Variants in LAP3 observed in about 807,000 individuals in gnomAD.
LAP3 encodes the protein cytosol aminopeptidase.
LAP3 carries 46 observed loss-of-function variants against 58.8 expected under a neutral mutation model. The ratio of observed to expected loss-of-function variants is 0.78; its 90% confidence interval spans 0.62 to 1.00. LAP3 has a LOEUF of 1.00. LAP3 is among the 50% of genes least tolerant of loss of function. The probability of loss-of-function intolerance (pLI) is 0.00; values close to 1 mark genes in which losing one functional copy is unlikely to be tolerated. For missense variants in LAP3, 615 were observed against 659.1 expected, an observed-to-expected ratio of 0.93 and a Z score of 0.73; for synonymous variants, 257 against 237.7, an observed-to-expected ratio of 1.08 and a Z score of -0.75.
At chr4:17,605,374 C>T (rs996088271) in intron 11 of LAP3, among the ~76,000 whole-genome samples, 1 of 152,122 alleles carries the variant, frequency 6.6e-6, no homozygotes, top group African/African-American at 2.4e-5. Flanking sequence ...TAGGCTCTTC[C>T]TACTCTACAC....
intron 4 of LAP3, 120 bp downstream of exon 4, chr4:17,582,513 C>A (rs1050952284): frequency 3.6e-5 from 26 of 715,410 alleles, no homozygotes; most frequent in Middle Eastern, 2.4e-4. Flanking sequence ...AGAAATAATT[C>A]ATCTTAACAA....
intron 4 of LAP3, chr4:17,583,282 C>T (rs1157123063): frequency 1.6e-6 from 1 of 611,574 alleles, no homozygotes; most frequent in Non-Finnish European, 2.9e-6. Context: ...TCACCACCAC[C>T]TGGGAGTGAG....
At chr4:17,599,681 A>G (rs953086847) in intron 10 of LAP3, among the ~76,000 whole-genome samples, 1 of 151,448 alleles carries the variant, frequency 6.6e-6, no homozygotes, top group Non-Finnish European at 1.5e-5. Flanking sequence ...TGTATCTAAT[A>G]CCCTCTGAGC....
intron 12 of LAP3, 21 bp from the exon 13 acceptor site, chr4:17,607,379 G>A: frequency 6.2e-7 from 1 of 1,603,184 alleles, no homozygotes. Flanking sequence ...GTTGTAAAGT[G>A]CTTTTTGTCT....
At chr4:17,593,389 C>T (rs1713745756) in intron 7 of LAP3, among the ~76,000 whole-genome samples, 1 of 151,818 alleles carries the variant, frequency 6.6e-6, no homozygotes, top group Admixed American at 6.6e-5. Context: ...CACTAGACTA[C>T]CTTGGCACCT....
intron 1 of LAP3, among the ~76,000 whole-genome samples, chr4:17,578,249 C>T (rs1477025276): frequency 6.6e-6 from 1 of 152,168 alleles, no homozygotes; most frequent in Admixed American, 6.5e-5. Flanking sequence ...CTAGGGGGAG[C>T]TTGAGCTCCA....
chr4:17,593,664 T>C (rs571914321), intron 7 of LAP3, among the ~76,000 whole-genome samples: 1 of 129,894 alleles, frequency 7.7e-6, no homozygotes, highest in African/African-American at 2.8e-5. Flanking sequence ...CAGGCTGGAG[T>C]GCAGTGGTGC....
intron 2 of LAP3, among the ~76,000 whole-genome samples, chr4:17,581,174 G>A (rs1713350536): frequency 6.6e-6 from 1 of 152,182 alleles, no homozygotes; most frequent in Non-Finnish European, 1.5e-5. Context: ...TCCGGTTCGG[G>A]TATCCAGTCT....
intron 10 of LAP3, among the ~76,000 whole-genome samples, chr4:17,601,829 C>T (rs897823069): frequency 2.6e-5 from 4 of 152,138 alleles, no homozygotes; most frequent in Non-Finnish European, 2.9e-5. Context: ...ATGCAGCCAT[C>T]TCCCCCGCTT....
rs372439585 is a variant in LAP3, at chr4:17,580,165, C to CATATATATAT, written c.218+233_218+242dup. On this transcript the variant is annotated intron_variant, in intron 2 of 12. Transcript: ENST00000226299. ...GGCATGCCTCACCACTCCCGGCTTTCATATATATATATATATGTATTTTTT... is the reference window on the plus strand; with the variant it reads ...GGCATGCCTCACCACTCCCGGCTTTCATATATATATATATATATATATATATGTATTTTTT... Among the ~76,000 whole-genome samples the CATATATATAT allele has an allele frequency of 2.6e-4, 12 of 45,988 alleles. 1 individual carries two copies. Among genetic ancestry groups the CATATATATAT allele is most frequent in the South Asian group, 1.2e-3 (2 of 1,674 alleles). 30.2% of individuals were successfully genotyped at this position (45,988 alleles called of 152,430 possible). A position where few individuals can be genotyped will look rare whatever the true frequency, so the allele number is the denominator to read the frequency against.
At position 17,579,959 on chromosome 4, in the gene LAP3, T is replaced by TTTAAGAA; in HGVS notation, c.218+20_218+21insTTAAGAA. The TTTAAGAA allele has an allele frequency of 7.2e-7, 1 of 1,394,802 alleles. No homozygotes were observed. The highest frequency in any genetic ancestry group is 1.0e-6 in the Non-Finnish European group (1 of 992,062). The allele number at this position is 1,394,802 out of a possible 1,614,324, so 86.4% of individuals were successfully genotyped here. A position where few individuals can be genotyped will look rare whatever the true frequency, so the allele number is the denominator to read the frequency against. On this transcript the variant is annotated intron_variant, in intron 2 of 12. Transcript: ENST00000226299. ...GAACATGTAAGTGTTGCTTGTGGGC[T>TTTAAGAA]CTAGTTCTTAAAGTGCCCCCAAATC...
chr4:17,582,531 G>C (rs1231651224), intron 4 of LAP3, 138 bp downstream of exon 4: 1 of 655,778 alleles, frequency 1.5e-6, no homozygotes, highest in Non-Finnish European at 2.7e-6. Flanking sequence ...CAAAAATTCA[G>C]TTCCTCTTGC....
At chr4:17,579,963 G>C (rs1255422254) in intron 2 of LAP3, 24 bp downstream of exon 2, 2 of 1,277,640 alleles carry the variant, frequency 1.6e-6, no homozygotes, top group Non-Finnish European at 2.2e-6. Context: ...GTGGGCTCTA[G>C]TTCTTAAAGT....
Position 17,588,969 on chromosome 4 carries a change from C to T in LAP3, c.855C>T (p.Thr285=), listed in dbSNP as rs1278715391. The part of the protein sequence containing the change: ...PPLVFVGKGI[T]FDSGGISIKA... The stretch of plus-strand genomic sequence containing the variant: ...TGGTGTTTGTTGGGAAAGGAATTAC[C>T]TTTGACAGGTATTTTTTATGGTGTC... Residue 285 remains threonine (T), a synonymous_variant, in exon 7 of 13, where the codon ACC becomes ACT. Coordinates refer to ENST00000226299, the MANE Select transcript of LAP3 (RefSeq NM_015907.3). 14 of 1,613,476 alleles carry T rather than the reference C, an allele frequency of 8.7e-6. No homozygotes were observed. Among genetic ancestry groups the T allele is most frequent in the African/African-American group, 2.7e-5 (2 of 74,832 alleles).
rs144024007 is a variant in LAP3, at chr4:17,598,206, C to T, written c.1078-250C>T. Among the ~76,000 whole-genome samples the T allele has an allele frequency of 1.7e-3, 265 of 152,084 alleles. 1 individual carries two copies. The highest frequency in any genetic ancestry group is 5.8e-3 in the African/African-American group (239 of 41,494). ...TAGAAATGGGGTTTCACCATCTTGC[C>T]TAGGCTGGTGTCGAGCTCCTGGGCT... is the stretch of plus-strand genomic sequence containing the variant. On this transcript the variant is annotated intron_variant, in intron 9 of 12. Transcript: ENST00000226299.
chr4:17,582,424 T>G lies in LAP3; in HGVS notation c.379+31T>G, dbSNP rs571895391. 24 of 1,539,076 alleles carry G rather than the reference T, an allele frequency of 1.6e-5. No individual in the cohort carries two copies. In the South Asian group the frequency reaches 2.1e-4, roughly 13 times the overall value. On this transcript the variant is annotated intron_variant, in intron 4 of 12. Coordinates refer to ENST00000226299, the MANE Select transcript of LAP3 (RefSeq NM_015907.3). ...TTCACTTTTTAAGTTTAAAGAATCC[T>G]GAGGATCCACTCTTTTTGATGACCT...
At chr4:17,601,527 T>TA (rs1713981884) in intron 10 of LAP3, among the ~76,000 whole-genome samples, 1 of 152,094 alleles carries the variant, frequency 6.6e-6, no homozygotes. Context: ...AATAATTATA[T>TA]AAAAAACCAC....
intron 7 of LAP3, among the ~76,000 whole-genome samples, chr4:17,591,461 A>G (rs1713688757): frequency 6.6e-6 from 1 of 152,162 alleles, no homozygotes; most frequent in Non-Finnish European, 1.5e-5. Flanking sequence ...TGTCTTGCCA[A>G]TTGTGACACA....
In LAP3 at chr4:17,583,544, C is replaced by A; in HGVS notation, c.441C>A (p.Asp147Glu). 1 of 1,614,080 alleles carries A rather than the reference C, an allele frequency of 6.2e-7. No homozygotes were observed. The highest frequency in any genetic ancestry group is 8.5e-7 in the Non-Finnish European group (1 of 1,180,014). Reference sequence around the variant, plus strand: ...CTGTGGAGGTGGATCCCTGTGGAGACGCTCAGGCTGCTGCGGAGGGAGCGG... The same window carrying A: ...CTGTGGAGGTGGATCCCTGTGGAGAAGCTCAGGCTGCTGCGGAGGGAGCGG... ...LSSVEVDPCG[D>E]AQAAAEGAVL... The change falls in exon 5 of 13, where the codon GAC becomes GAA. Residue 147 changes from aspartate (D) to glutamate (E), a missense_variant. Asp to Glu is a conservative substitution (Grantham distance 45, BLOSUM62 2). Transcript: ENST00000226299.
Sources: gnomAD v4.1 joint callset for allele counts (sites outside exome capture counted in the v4.1 genomes callset) on GRCh38, gnomAD v4.1.1 for gene constraint, MANE v1.5 for transcripts, NCBI Gene and HGNC (gene_info 2026-07-23, HGNC 2026-07-21) for gene names.